Variants in ERC2 observed in about 807,000 individuals in gnomAD.
ERC2 encodes ERC protein 2.
In ERC2, 42 loss-of-function variants were observed where a neutral mutation model predicts 114.8. The ratio of observed to expected loss-of-function variants is 0.37; its 90% confidence interval spans 0.29 to 0.47. The LOEUF (loss-of-function observed/expected upper bound fraction) is 0.47. ERC2 is among the 20% of genes least tolerant of loss of function. The pLI is 0.99. For synonymous variants in ERC2, 454 were observed against 425.5 expected, an observed-to-expected ratio of 1.07 and a Z score of -0.82; for missense variants, 939 against 1,150.7, an observed-to-expected ratio of 0.82 and a Z score of 2.66.
At chr3:55,555,906 A>C (rs1031327342) in intron 17 of ERC2, among the ~76,000 whole-genome samples, 1 of 152,228 alleles carries the variant, frequency 6.6e-6, no homozygotes, top group African/African-American at 2.4e-5. Flanking sequence ...AGAGCAGCCC[A>C]TTCAATAATT....
intron 14 of ERC2, among the ~76,000 whole-genome samples, chr3:55,840,948 T>C (rs1319389075): frequency 6.6e-6 from 1 of 151,962 alleles, no homozygotes. Flanking sequence ...TGCCTAAAGA[T>C]AGAGATAGAG....
chr3:56,207,973 T>C (rs114297973), intron 3 of ERC2, among the ~76,000 whole-genome samples: 4,204 of 152,298 alleles, frequency 0.028, 100 homozygotes, highest in South Asian at 0.04. Context: ...TAAAACATTA[T>C]GTTTTCCTGT....
At chr3:55,586,343 A>G (rs1407708813) in intron 17 of ERC2, among the ~76,000 whole-genome samples, 1 of 152,218 alleles carries the variant, frequency 6.6e-6, no homozygotes, top group African/African-American at 2.4e-5. Context: ...CATAACTCCC[A>G]TATTACTTTG....
intron 14 of ERC2, among the ~76,000 whole-genome samples, chr3:55,846,531 T>C (rs1479960182): frequency 2.0e-5 from 3 of 152,200 alleles, no homozygotes; most frequent in African/African-American, 7.2e-5. Context: ...GATTGCTGGG[T>C]CAAATGGTAG....
At chr3:56,312,388 T>A (rs1440207158) in intron 2 of ERC2, among the ~76,000 whole-genome samples, 1 of 152,166 alleles carries the variant, frequency 6.6e-6, no homozygotes, top group Non-Finnish European at 1.5e-5. Context: ...TTAGAAAGTA[T>A]AAATTCAAAT....
Position 56,170,603 on chromosome 3 carries a change from T to TTTTG in ERC2, c.1149+2842_1149+2843insCAAA, listed in dbSNP as rs1370627236. 5.7e-3 allele frequency among the ~76,000 whole-genome samples: 470 copies of TTTTG among 82,712 alleles called. 4 individuals are homozygous for TTTTG. Among genetic ancestry groups the TTTTG allele is most frequent in the South Asian group, 0.011 (29 of 2,748 alleles). 54.3% of individuals were successfully genotyped at this position (82,712 alleles called of 152,430 possible). A position where few individuals can be genotyped will look rare whatever the true frequency, so the allele number is the denominator to read the frequency against. ...CTCTTCTGTTTTTTTTTTTTTTTTT[T>TTTTG]TTTTTTTTTTTGAGGTAGTGTCTCA... is the stretch of plus-strand genomic sequence containing the variant. On this transcript the variant is annotated intron_variant, in intron 4 of 17. Transcript: ENST00000288221.
intron 2 of ERC2, among the ~76,000 whole-genome samples, chr3:56,391,667 G>T (rs1045053878): frequency 2.6e-5 from 4 of 152,146 alleles, no homozygotes; most frequent in African/African-American, 9.7e-5. Flanking sequence ...AGAGAAAAAT[G>T]AGTTTTAATT....
intron 2 of ERC2, among the ~76,000 whole-genome samples, chr3:56,356,585 G>T (rs770683341): frequency 6.6e-6 from 1 of 152,204 alleles, no homozygotes; most frequent in Non-Finnish European, 1.5e-5. Flanking sequence ...CACTGGTCAA[G>T]CATCTACTCT....
chr3:55,954,962 T>C (rs1450853008), intron 12 of ERC2, among the ~76,000 whole-genome samples: 1 of 152,086 alleles, frequency 6.6e-6, no homozygotes, highest in Non-Finnish European at 1.5e-5. Context: ...ATATTCATAA[T>C]ATAAAATCAG....
At chr3:55,845,472 C>G (rs2061320755) in intron 14 of ERC2, among the ~76,000 whole-genome samples, 1 of 140,514 alleles carries the variant, frequency 7.1e-6, no homozygotes, top group Non-Finnish European at 1.5e-5. Flanking sequence ...CCACTGCACT[C>G]CAGCCTGGGC....
At chr3:56,208,358 C>G (rs1481997444) in intron 3 of ERC2, among the ~76,000 whole-genome samples, 1 of 152,184 alleles carries the variant, frequency 6.6e-6, no homozygotes, top group Non-Finnish European at 1.5e-5. Flanking sequence ...GCTTTTTGCT[C>G]TCAATTTAGA....
intron 6 of ERC2, among the ~76,000 whole-genome samples, chr3:56,089,592 T>C (rs2149781909): frequency 6.6e-6 from 1 of 152,252 alleles, no homozygotes; most frequent in East Asian, 1.9e-4. Flanking sequence ...CTAGCTTTTT[T>C]TTAATACTTT....
chr3:56,111,541 G>A (rs909750971), intron 6 of ERC2, among the ~76,000 whole-genome samples: 3 of 152,114 alleles, frequency 2.0e-5, no homozygotes, highest in African/African-American at 7.2e-5. Context: ...AGCTGGTTCA[G>A]AAAGAGAACT....
intron 10 of ERC2, among the ~76,000 whole-genome samples, chr3:55,997,922 G>GTGTT (rs1197491005): frequency 0.031 from 1,095 of 35,620 alleles, 46 homozygotes; most frequent in Non-Finnish European, 0.042. Flanking sequence ...GTGTGTGTGT[G>GTGTT]TTTTTTGTTT....
chr3:55,569,994 G>A (rs2056616588), intron 17 of ERC2, among the ~76,000 whole-genome samples: 1 of 151,632 alleles, frequency 6.6e-6, no homozygotes, highest in South Asian at 2.1e-4. Context: ...AAGTAACTGA[G>A]ATTACAGGTG....
intron 13 of ERC2, among the ~76,000 whole-genome samples, chr3:55,905,919 C>T (rs1010943345): frequency 6.6e-6 from 1 of 152,188 alleles, no homozygotes; most frequent in Non-Finnish European, 1.5e-5. Flanking sequence ...CCACCTGTCC[C>T]TGGTATTCTT....
chr3:56,421,955 A>T (rs1330204133), intron 2 of ERC2, among the ~76,000 whole-genome samples: 8 of 152,208 alleles, frequency 5.3e-5, no homozygotes, highest in African/African-American at 1.4e-4. Flanking sequence ...AACAAAAAAG[A>T]TATTTCACAG....
intron 17 of ERC2, among the ~76,000 whole-genome samples, chr3:55,545,292 G>C (rs1388580364): frequency 6.6e-6 from 1 of 152,184 alleles, no homozygotes; most frequent in Non-Finnish European, 1.5e-5. Context: ...ATGGCAACCA[G>C]AGAGCTCCTT....
Position 56,139,525 on chromosome 3 carries a change from G to C in ERC2, c.1457C>G (p.Ala486Gly). 6.2e-7 allele frequency: 1 copy of C among 1,612,870 alleles called. No individual in the cohort carries two copies. Among genetic ancestry groups the C allele is most frequent in the Non-Finnish European group, 8.5e-7 (1 of 1,179,132 alleles). Residue 486 changes from alanine to glycine, a missense_variant, in exon 6 of 18, where the codon GCC (alanine) becomes GGC (glycine). Around this residue, in one of 5 missense-constraint regions of ERC2, gnomAD observed 149 missense variants for 254.6 expected, o/e 0.59. Transcript: ENST00000288221. ...GTGCCTTACCTCAGTCTGAAGGATG[G>C]CAGCCCTCTGTTCTTTGGCAGTAAG... ...ESLTAKEQRA[A>G]ILQTEVDALR...
Sources: allele counts gnomAD v4.1 joint callset (sites outside exome capture counted in the v4.1 genomes callset), GRCh38; gene constraint gnomAD v4.1.1; regional missense constraint gnomAD v4.1.1; transcripts MANE v1.5; gene names NCBI Gene and HGNC (gene_info 2026-07-23, HGNC 2026-07-21).